Variants in IMMP2L observed in about 807,000 individuals in gnomAD.
IMMP2L encodes the protein mitochondrial inner membrane protease subunit 2.
A neutral mutation model predicts 19.3 loss-of-function variants in IMMP2L; 18 were observed. The ratio of observed to expected loss-of-function variants is 0.93; its 90% CI spans 0.64 to 1.38. IMMP2L has a LOEUF of 1.38. IMMP2L is among the 40% of genes most tolerant of loss of function. The probability of loss-of-function intolerance (pLI) is 0.00; values close to 1 mark genes in which losing one functional copy is unlikely to be tolerated. For missense variants in IMMP2L, 233 were observed against 218.2 expected (o/e 1.07, Z -0.43); for synonymous variants, 76 against 73.0 (o/e 1.04, Z -0.21).
intron 3 of IMMP2L, among the ~76,000 whole-genome samples, chr7:111,482,452 A>C (rs1048866535): frequency 1.3e-5 from 2 of 152,118 alleles, no homozygotes; most frequent in Non-Finnish European, 2.9e-5. Context: ...TTAAGAGGAA[A>C]GGAAGAGAAA....
At chr7:110,725,223 C>T (rs563759153) in intron 5 of IMMP2L, among the ~76,000 whole-genome samples, 2 of 152,226 alleles carry the variant, frequency 1.3e-5, no homozygotes, top group South Asian at 2.1e-4. Flanking sequence ...AAACCAGAAA[C>T]GACAATTTGT....
chr7:111,255,511 T>C (rs1269755758), intron 3 of IMMP2L, among the ~76,000 whole-genome samples: 2 of 152,128 alleles, frequency 1.3e-5, no homozygotes, highest in African/African-American at 2.4e-5. Context: ...TTGTTAATTA[T>C]ACACTATAAT....
At chr7:111,089,260 G>C (rs568819811) in intron 3 of IMMP2L, among the ~76,000 whole-genome samples, 2 of 152,060 alleles carry the variant, frequency 1.3e-5, no homozygotes, top group African/African-American at 2.4e-5. Context: ...AAAACCAAGA[G>C]AGGAGTTTAA....
chr7:111,385,843 C>G (rs1164702275), intron 3 of IMMP2L, among the ~76,000 whole-genome samples: 1 of 152,078 alleles, frequency 6.6e-6, no homozygotes, highest in Non-Finnish European at 1.5e-5. Flanking sequence ...TCCACTTACC[C>G]TCTACTAATC....
intron 5 of IMMP2L, among the ~76,000 whole-genome samples, chr7:110,808,607 C>T (rs1190080734): frequency 6.6e-6 from 1 of 152,044 alleles, no homozygotes; most frequent in African/African-American, 2.4e-5. Context: ...CCCTTTGCAG[C>T]TGCAGTGCAG....
Position 111,219,881 on chromosome 7 carries a change from T to TAG in IMMP2L, c.240-256318_240-256317dup, listed in dbSNP as rs1373858753. Reference sequence around the variant, plus strand: ...GTATCCATAAGCAAGAAAGTGATCTTAGAGTAGTGATAGAATGATTCAAGC... The same window carrying TAG: ...GTATCCATAAGCAAGAAAGTGATCTTAGAGAGTAGTGATAGAATGATTCAAGC... On this transcript the variant is annotated intron_variant, in intron 3 of 5. Coordinates refer to ENST00000405709, the MANE Select transcript of IMMP2L (RefSeq NM_032549.4). 8.5e-5 allele frequency among the ~76,000 whole-genome samples: 13 copies of TAG among 152,136 alleles called. No individual in the cohort carries two copies. In the East Asian group the frequency reaches 2.5e-3, roughly 29 times the overall value.
chr7:111,124,331 A>G (rs761535952), intron 3 of IMMP2L: 1 of 1,613,782 alleles, frequency 6.2e-7, no homozygotes, highest in Non-Finnish European at 8.5e-7. Flanking sequence ...TTTCCACAAG[A>G]TAACAATGGC....
At chr7:111,047,731 C>T (rs1004550602) in intron 3 of IMMP2L, among the ~76,000 whole-genome samples, 12 of 152,026 alleles carry the variant, frequency 7.9e-5, no homozygotes, top group African/African-American at 2.7e-4. Flanking sequence ...CTGCAAAATA[C>T]CAGAGATTAA....
intron 1 of IMMP2L, among the ~76,000 whole-genome samples, chr7:111,543,160 G>A (rs540473733): frequency 1.3e-5 from 2 of 152,216 alleles, no homozygotes; most frequent in African/African-American, 4.8e-5. Context: ...ATCTTTATGT[G>A]TAATACTTTC....
intron 4 of IMMP2L, among the ~76,000 whole-genome samples, chr7:110,927,931 T>C (rs1815041196): frequency 6.6e-6 from 1 of 152,102 alleles, no homozygotes; most frequent in South Asian, 2.1e-4. Flanking sequence ...GGAAGCTCAC[T>C]TTGCAGTATC....
intron 5 of IMMP2L, among the ~76,000 whole-genome samples, chr7:110,707,159 C>A (rs1316133725): frequency 2.7e-5 from 2 of 72,732 alleles, no homozygotes; most frequent in Admixed American, 2.9e-4. Context: ...TCCCCCCTCC[C>A]CCGACCCCAC....
At chr7:111,037,164 C>T (rs1791433865) in intron 3 of IMMP2L, among the ~76,000 whole-genome samples, 1 of 152,098 alleles carries the variant, frequency 6.6e-6, no homozygotes, top group Non-Finnish European at 1.5e-5. Flanking sequence ...AACAAGGTGG[C>T]AGGTGCTTCA....
intron 3 of IMMP2L, among the ~76,000 whole-genome samples, chr7:111,446,559 A>G (rs1215846458): frequency 4.6e-5 from 7 of 151,562 alleles, no homozygotes; most frequent in Non-Finnish European, 1.0e-4. Context: ...CCATCTGTAC[A>G]TCACCATCAT....
chr7:111,268,724 G>A (rs1562987968), intron 3 of IMMP2L, among the ~76,000 whole-genome samples: 2 of 150,436 alleles, frequency 1.3e-5, no homozygotes, highest in Non-Finnish European at 3.0e-5. Context: ...CTTTCCAATA[G>A]CTGGGACCAC....
At chr7:111,535,344 G>A (rs1361755939) in intron 1 of IMMP2L, among the ~76,000 whole-genome samples, 1 of 151,898 alleles carries the variant, frequency 6.6e-6, no homozygotes, top group East Asian at 1.9e-4. Flanking sequence ...GAAAGAGGGG[G>A]AAAAAGAGGA....
intron 2 of IMMP2L, among the ~76,000 whole-genome samples, chr7:111,501,375 T>G (rs2132441493): frequency 6.6e-6 from 1 of 152,188 alleles, no homozygotes; most frequent in East Asian, 1.9e-4. Context: ...ACGGGGAGAA[T>G]GGAACCAACT....
chr7:111,361,430 T>C (rs1323697910), intron 3 of IMMP2L, among the ~76,000 whole-genome samples: 1 of 152,172 alleles, frequency 6.6e-6, no homozygotes, highest in East Asian at 1.9e-4. Context: ...TTCAATTATC[T>C]GGGAGTATAT....
intron 3 of IMMP2L, among the ~76,000 whole-genome samples, chr7:111,333,758 T>A (rs1382263968): frequency 1.3e-5 from 2 of 152,226 alleles, no homozygotes; most frequent in East Asian, 1.9e-4. Context: ...TACATCTTTC[T>A]CCCGTGCTGG....
intron 3 of IMMP2L, among the ~76,000 whole-genome samples, chr7:110,998,340 A>G (rs941712824): frequency 6.6e-6 from 1 of 152,146 alleles, no homozygotes; most frequent in Non-Finnish European, 1.5e-5. Flanking sequence ...ATTATACCCT[A>G]CAATATGCCT....
Sources: allele counts gnomAD v4.1 joint callset (sites outside exome capture counted in the v4.1 genomes callset), GRCh38; gene constraint gnomAD v4.1.1; transcripts MANE v1.5; gene names NCBI Gene and HGNC (gene_info 2026-07-23, HGNC 2026-07-21).